Variants in GLIS1 observed in about 807,000 individuals in gnomAD.
GLIS1 encodes the protein zinc finger protein GLIS1.
A neutral mutation model predicts 63.8 loss-of-function variants in GLIS1; 24 were observed. The ratio of observed to expected loss-of-function variants is 0.38; its 90% confidence interval spans 0.27 to 0.53. GLIS1 has a LOEUF of 0.53. Among genes scored for constraint, GLIS1 ranks in the 20% least tolerant of loss-of-function variants. The pLI is 0.85. For missense variants in GLIS1, 1,036 were observed against 1,074.1 expected (o/e 0.96, Z 0.50); for synonymous variants, 450 against 482.5 (o/e 0.93, Z 0.88).
At chr1:53,717,494 T>G (rs577404994) in intron 2 of GLIS1, among the ~76,000 whole-genome samples, 23 of 152,272 alleles carry the variant, frequency 1.5e-4, no homozygotes, top group African/African-American at 5.3e-4. Context: ...TTTGCCTTTT[T>G]GGGGGGTGCC....
chr1:53,725,723 C>A (rs1044905873), intron 2 of GLIS1, among the ~76,000 whole-genome samples: 2 of 152,206 alleles, frequency 1.3e-5, no homozygotes, highest in Non-Finnish European at 2.9e-5. Flanking sequence ...AACCACCAGC[C>A]AAACACAGGT....
At chr1:53,676,798 G>A (rs1646217443) in intron 2 of GLIS1, among the ~76,000 whole-genome samples, 1 of 151,278 alleles carries the variant, frequency 6.6e-6, no homozygotes, top group African/African-American at 2.4e-5. Context: ...GCCAAGCCAG[G>A]CTGTATCCCT....
chr1:53,545,950 T>C (rs1644694149), intron 4 of GLIS1, among the ~76,000 whole-genome samples: 1 of 152,202 alleles, frequency 6.6e-6, no homozygotes, highest in Admixed American at 6.5e-5. Context: ...TCTGGACTCA[T>C]TTTCCACATA....
intron 2 of GLIS1, among the ~76,000 whole-genome samples, chr1:53,620,555 C>T (rs1461719564): frequency 3.9e-5 from 6 of 152,238 alleles, no homozygotes; most frequent in African/African-American, 1.4e-4. Context: ...GATGTTGTTT[C>T]GTTTCGGCTC....
At chr1:53,536,053 T>C (rs1334116274) in intron 4 of GLIS1, among the ~76,000 whole-genome samples, 1 of 152,040 alleles carries the variant, frequency 6.6e-6, no homozygotes, top group Non-Finnish European at 1.5e-5. Context: ...ACCAGATACC[T>C]CAGATGTAAG....
At chr1:53,536,259 G>A (rs974576932) in intron 4 of GLIS1, among the ~76,000 whole-genome samples, 4 of 152,116 alleles carry the variant, frequency 2.6e-5, no homozygotes, top group African/African-American at 9.7e-5. Flanking sequence ...GAACAGAGAA[G>A]GTGATACTGA....
At chr1:53,596,419 T>C (rs72904971) in intron 3 of GLIS1, among the ~76,000 whole-genome samples, 198 of 152,266 alleles carry the variant, frequency 1.3e-3, no homozygotes, top group African/African-American at 4.5e-3. Context: ...AGCCTGGTGC[T>C]ATGCCTGAAG....
intron 2 of GLIS1, among the ~76,000 whole-genome samples, chr1:53,688,093 C>T (rs371763249): frequency 6.6e-6 from 1 of 152,192 alleles, no homozygotes; most frequent in Admixed American, 6.5e-5. Context: ...CCTGCCCCAG[C>T]GCGTTTCCTG....
chr1:53,721,166 C>A (rs1333097519), intron 2 of GLIS1, among the ~76,000 whole-genome samples: 1 of 151,322 alleles, frequency 6.6e-6, no homozygotes, highest in Non-Finnish European at 1.5e-5. Context: ...AAAAAGAGAA[C>A]TAAATCTTCA....
intron 2 of GLIS1, among the ~76,000 whole-genome samples, chr1:53,693,794 G>A (rs1646434311): frequency 6.6e-6 from 1 of 152,232 alleles, no homozygotes; most frequent in Non-Finnish European, 1.5e-5. Context: ...GAGCCTCAGT[G>A]CCCCCACCTG....
At chr1:53,600,808 T>C (rs1186399387) in intron 2 of GLIS1, among the ~76,000 whole-genome samples, 1 of 152,228 alleles carries the variant, frequency 6.6e-6, no homozygotes, top group Non-Finnish European at 1.5e-5. Flanking sequence ...TCAGTCTACA[T>C]TGTCTCCCAA....
chr1:53,672,961 C>T (rs758898811), intron 2 of GLIS1, among the ~76,000 whole-genome samples: 26 of 152,228 alleles, frequency 1.7e-4, no homozygotes, highest in Non-Finnish European at 3.2e-4. Context: ...TCCCCTAGGC[C>T]CAACATAGCC....
intron 3 of GLIS1, among the ~76,000 whole-genome samples, chr1:53,596,038 C>T (rs372194307): frequency 9.2e-5 from 14 of 152,226 alleles, no homozygotes; most frequent in African/African-American, 3.4e-4. Context: ...GGTCCTTTGC[C>T]ATCCTGGGTC....
rs549419619 is a variant in GLIS1, at chr1:53,536,749, G to A, written c.1321-6797C>T. ...CTAGTACTGTCATTTCAAACCAGGC[G>A]TCACAGGTTCCATTCCTGGGGCAAG... is the stretch of plus-strand genomic sequence containing the variant. On this transcript the variant is annotated intron_variant, in intron 4 of 10. Coordinates refer to ENST00000628545, the MANE Select transcript of GLIS1 (RefSeq NM_001367484.1). 3.1e-4 allele frequency among the ~76,000 whole-genome samples: 47 copies of A among 152,232 alleles called. 1 individual carries two copies. Among genetic ancestry groups the A allele is most frequent in the African/African-American group, 9.6e-4 (40 of 41,498 alleles).
chr1:53,517,307 T>A (rs1644362688), intron 7 of GLIS1, among the ~76,000 whole-genome samples: 1 of 152,148 alleles, frequency 6.6e-6, no homozygotes, highest in Admixed American at 6.5e-5. Context: ...TACCGCTCCC[T>A]GCCTCTAGGA....
chr1:53,652,116 C>T (rs1281467897), intron 2 of GLIS1, among the ~76,000 whole-genome samples: 3 of 152,222 alleles, frequency 2.0e-5, no homozygotes, highest in East Asian at 1.9e-4. Flanking sequence ...CTCAGATATG[C>T]ACTTCCTAGC....
intron 4 of GLIS1, among the ~76,000 whole-genome samples, chr1:53,559,137 G>C: frequency 6.6e-6 from 1 of 152,178 alleles, no homozygotes; most frequent in Non-Finnish European, 1.5e-5. Context: ...CTTAAAAACA[G>C]TAACTCAGAA....
intron 4 of GLIS1, among the ~76,000 whole-genome samples, chr1:53,549,394 C>A (rs1482453516): frequency 6.6e-6 from 1 of 152,242 alleles, no homozygotes; most frequent in Non-Finnish European, 1.5e-5. Context: ...ACATTCCCAT[C>A]AGGGTACAAG....
chr1:53,646,543 C>T lies in GLIS1; in HGVS notation c.260-46265G>A, dbSNP rs1316487681. On this transcript the variant is annotated intron_variant, in intron 2 of 10. Transcript: ENST00000628545. The surrounding 1 kb of genome is among the most constrained non-coding windows in gnomAD (Gnocchi z 4.2). Reference sequence around the variant, plus strand: ...TTGCTAGACAGGCTGGACATGGTGGCTCACACCTGTAATTCCAGCGCTTTG... The same window carrying T: ...TTGCTAGACAGGCTGGACATGGTGGTTCACACCTGTAATTCCAGCGCTTTG... Among the ~76,000 whole-genome samples the T allele has an allele frequency of 6.6e-6, 1 of 152,220 alleles. No homozygotes were observed. The highest frequency in any genetic ancestry group is 2.4e-5 in the African/African-American group (1 of 41,444).
Sources: gnomAD v4.1 joint callset for allele counts (sites outside exome capture counted in the v4.1 genomes callset) on GRCh38, gnomAD v4.1.1 for gene constraint, Gnocchi (gnomAD v3.1) non-coding constraint, MANE v1.5 for transcripts, NCBI Gene and HGNC (gene_info 2026-07-23, HGNC 2026-07-21) for gene names.